The following MYPN variants were observed in gnomAD, a reference collection of about 807,000 sequenced individuals.
The protein encoded by MYPN is sarcomeric protein myopalladin, 145 kDa (MYOP).
In MYPN, 63 loss-of-function variants were observed where a neutral mutation model predicts 129.4. The observed-to-expected ratio is 0.49, with a 90% CI of 0.40 to 0.60. The LOEUF (loss-of-function observed/expected upper bound fraction) is 0.60, where lower values mean the gene tolerates loss of function less well. Ranked by LOEUF, MYPN falls within the 20% of genes least tolerant of loss-of-function variation. The probability of loss-of-function intolerance (pLI) is 0.00; values close to 1 mark genes in which losing one functional copy is unlikely to be tolerated. For synonymous variants in MYPN, 629 were observed against 600.9 expected (o/e 1.05, Z -0.68); for missense variants, 1,596 against 1,635.4 (o/e 0.98, Z 0.42).
At chr10:68,145,660 A>G (rs1253338708) in intron 4 of MYPN, 134 bp downstream of exon 4, 1 of 710,958 alleles carries the variant, frequency 1.4e-6, no homozygotes, top group African/African-American at 1.8e-5. Flanking sequence ...TAAATAAACA[A>G]ACAAACAAAC....
intron 10 of MYPN, among the ~76,000 whole-genome samples, chr10:68,172,505 T>C (rs757704598): frequency 3.7e-4 from 57 of 152,248 alleles, no homozygotes; most frequent in Non-Finnish European, 7.6e-4. Context: ...ACTTTATGCA[T>C]ATATGATTTT....
At chr10:68,136,802 T>C in intron 2 of MYPN, 1 of 1,421,156 alleles carries the variant, frequency 7.0e-7, no homozygotes. Flanking sequence ...AAGTATTAGT[T>C]TTGAAATAGC....
chr10:68,103,946 G>A (rs56172638), upstream of MYPN, among the ~76,000 whole-genome samples: 10,888 of 152,246 alleles, frequency 0.072, 565 homozygotes, highest in East Asian at 0.21. Flanking sequence ...GTGAAACTCT[G>A]TCTCAAACAA....
At position 68,174,537 on chromosome 10, in the gene MYPN, T is replaced by C. The variant is rs1280335208; in HGVS notation, c.2445T>C (p.Ile815=). ...TTCAGCCCCGCTGTGTGTCCCCAAT[T>C]CCTGTCTCTCCTACCAGCCGGATTC... is the stretch of plus-strand genomic sequence containing the variant. ...NQFQPRCVSP[I]PVSPTSRIQN... is the part of the protein sequence containing the mutation. The change falls in exon 11 of 20, where the codon ATT becomes ATC. Residue 815 remains isoleucine (I), a synonymous_variant. Transcript: ENST00000358913. 1.2e-6 allele frequency: 2 copies of C among 1,613,902 alleles called. No individual in the cohort carries two copies. The highest frequency in any genetic ancestry group is 4.5e-5 in the East Asian group (2 of 44,874).
Position 68,169,625 on chromosome 10 carries a change from C to G in MYPN, c.1973+2959C>G, listed in dbSNP as rs565596156. ...TCCTTCTGTCTTTCTGCTCTGCCAT[C>G]CCAAACACTGGCTTCTTCTCCAGGT... On this transcript the variant is annotated intron_variant, in intron 10 of 19. Transcript: ENST00000358913. Among the ~76,000 whole-genome samples the G allele has an allele frequency of 1.6e-3, 241 of 152,286 alleles. 2 individuals are homozygous for G. Among genetic ancestry groups the G allele is most frequent in the Non-Finnish European group, 1.7e-3 (118 of 68,022 alleles).
chr10:68,163,164 G>A (rs2043003847), intron 8 of MYPN, among the ~76,000 whole-genome samples: 1 of 152,124 alleles, frequency 6.6e-6, no homozygotes, highest in Non-Finnish European at 1.5e-5. Context: ...GCATAGTGGT[G>A]CATGTCTGTG....
chr10:68,119,505 G>C (rs970513757), intron 1 of MYPN, among the ~76,000 whole-genome samples: 4 of 151,868 alleles, frequency 2.6e-5, no homozygotes, highest in African/African-American at 4.8e-5. Flanking sequence ...CCGCTTCCCA[G>C]GTTCAAGTAA....
chr10:68,140,100 A>G (rs2042552294), intron 2 of MYPN, among the ~76,000 whole-genome samples: 1 of 152,180 alleles, frequency 6.6e-6, no homozygotes, highest in Non-Finnish European at 1.5e-5. Flanking sequence ...CATGAGAAGG[A>G]CCTATCTTTG....
At chr10:68,136,149 C>A in intron 2 of MYPN, 1 of 866,452 alleles carries the variant, frequency 1.2e-6, no homozygotes, top group Non-Finnish European at 1.4e-6. Context: ...TGATAAAGAG[C>A]CAAAAGTCCA....
At chr10:68,165,532 C>A (rs1386875970) in intron 8 of MYPN, 170 bp from the exon 9 acceptor site, 1 of 697,812 alleles carries the variant, frequency 1.4e-6, no homozygotes, top group South Asian at 1.5e-5. Context: ...CTCATTTTGC[C>A]TACTAATCAG....
Position 68,174,137 on chromosome 10 carries a change from C to G in MYPN, c.2045C>G (p.Pro682Arg). 1.2e-6 allele frequency: 2 copies of G among 1,614,020 alleles called. No individual in the cohort carries two copies. The highest frequency in any genetic ancestry group is 1.7e-6 in the Non-Finnish European group (2 of 1,179,912). Residue 682 changes from proline to arginine, a missense_variant, in exon 11 of 20, where the codon CCT becomes CGT. Transcript: ENST00000358913. ...CAACACCAATTGCAAAACCCACCTC[C>G]TTCATCTCCTAAGGAGTTTCCTTTC... Reference protein sequence around the residue: ...LEQHQLQNPPPSSPKEFPFSM... With the variant: ...LEQHQLQNPPRSSPKEFPFSM...
intron 10 of MYPN, among the ~76,000 whole-genome samples, chr10:68,171,155 A>AAAAAG (rs1039564539): frequency 1.6e-4 from 24 of 151,512 alleles, no homozygotes; most frequent in African/African-American, 3.6e-4. Flanking sequence ...TCAAAAAAAA[A>AAAAAG]AAAGAAAGAA....
intron 8 of MYPN, among the ~76,000 whole-genome samples, chr10:68,165,061 T>C: frequency 6.6e-6 from 1 of 152,266 alleles, no homozygotes; most frequent in East Asian, 1.9e-4. Flanking sequence ...AATTTGTTTT[T>C]GTGATTTTTT....
intron 15 of MYPN, among the ~76,000 whole-genome samples, chr10:68,195,986 TAG>T (rs1252348368): frequency 1.3e-5 from 2 of 152,038 alleles, no homozygotes; most frequent in Non-Finnish European, 2.9e-5. Flanking sequence ...TGTGTGTGTG[TAG>T]AGACAGGTGT....
At chr10:68,176,078 G>A (rs1294899790) in intron 12 of MYPN, among the ~76,000 whole-genome samples, 2 of 152,110 alleles carry the variant, frequency 1.3e-5, no homozygotes, top group East Asian at 1.9e-4. Context: ...GGGGTTCTAA[G>A]CTGTCTAATC....
intron 4 of MYPN, among the ~76,000 whole-genome samples, chr10:68,146,435 T>C (rs1487771326): frequency 6.6e-6 from 1 of 152,224 alleles, no homozygotes; most frequent in Non-Finnish European, 1.5e-5. Flanking sequence ...CATAATGTGT[T>C]ACAAACCTAA....
intron 12 of MYPN, 85 bp from the exon 13 acceptor site, chr10:68,188,820 C>G: frequency 8.9e-7 from 1 of 1,129,832 alleles, no homozygotes; most frequent in Admixed American, 2.0e-5. Flanking sequence ...ACGTCTGAAT[C>G]TTAAAAAGTG....
chr10:68,149,417 T>G (rs1200073709), intron 5 of MYPN, among the ~76,000 whole-genome samples: 6 of 152,106 alleles, frequency 3.9e-5, no homozygotes, highest in African/African-American at 1.5e-4. Context: ...AATATACATA[T>G]AACATGTTAT....
chr10:68,140,660 A>G (rs923605503), intron 2 of MYPN, among the ~76,000 whole-genome samples: 3 of 152,186 alleles, frequency 2.0e-5, no homozygotes, highest in Non-Finnish European at 4.4e-5. Context: ...TCTCAGACAG[A>G]AAAAACATGG....
Sources: gnomAD v4.1 joint callset for allele counts (sites outside exome capture counted in the v4.1 genomes callset) on GRCh38, gnomAD v4.1.1 for gene constraint, MANE v1.5 for transcripts, NCBI Gene and HGNC (gene_info 2026-07-23, HGNC 2026-07-21) for gene names.